Variants in PREX1 observed in about 807,000 individuals in gnomAD.
The protein encoded by PREX1 is phosphatidylinositol 3,4,5-trisphosphate-dependent Rac exchanger 1 protein.
PREX1 carries 41 observed loss-of-function variants against 198.3 expected under a neutral mutation model. The ratio of observed to expected loss-of-function variants is 0.21; its 90% CI spans 0.16 to 0.27. The LOEUF (loss-of-function observed/expected upper bound fraction) is 0.27. PREX1 is among the 10% of genes least tolerant of loss of function. The pLI is 1.00. For missense variants in PREX1, 1,620 were observed against 2,200.7 expected (o/e 0.74, Z 5.28); for synonymous variants, 843 against 887.2 (o/e 0.95, Z 0.89).
At chr20:48,874,658 C>T in the PREX1 span, among the ~76,000 whole-genome samples, 1 of 152,070 alleles carries the variant, frequency 6.6e-6, no homozygotes, top group Non-Finnish European at 1.5e-5. Context: ...AGGCAGATGA[C>T]TTGAGGTCAG....
intron 10 of PREX1, among the ~76,000 whole-genome samples, chr20:48,681,729 C>CA (rs1456354074): frequency 6.4e-5 from 9 of 141,026 alleles, no homozygotes; most frequent in Non-Finnish European, 1.4e-4. Context: ...TCCGGCCAGA[C>CA]AGACAGCCAG....
chr20:48,799,560 C>T (rs2090377063), intron 1 of PREX1, among the ~76,000 whole-genome samples: 1 of 152,210 alleles, frequency 6.6e-6, no homozygotes, highest in Admixed American at 6.5e-5. Flanking sequence ...ATTTCAAAAG[C>T]CACCCTCTGG....
intron 1 of PREX1, among the ~76,000 whole-genome samples, chr20:48,822,453 A>C (rs1390758480): frequency 3.3e-5 from 5 of 152,234 alleles, no homozygotes; most frequent in Non-Finnish European, 5.9e-5. Context: ...TCTTTGTTTC[A>C]TTTGTAAAAC....
chr20:48,800,897 C>A (rs539529970), intron 1 of PREX1, among the ~76,000 whole-genome samples: 3 of 152,036 alleles, frequency 2.0e-5, no homozygotes, highest in Non-Finnish European at 2.9e-5. Flanking sequence ...CTCAAGCAAT[C>A]CTCCCGCCAT....
At chr20:48,661,073 T>A (rs2089586940) in intron 15 of PREX1, among the ~76,000 whole-genome samples, 1 of 152,184 alleles carries the variant, frequency 6.6e-6, no homozygotes. Flanking sequence ...TGTGACAAGC[T>A]GTACGGCCCA....
chr20:48,647,915 T>C (rs190722511), intron 25 of PREX1, among the ~76,000 whole-genome samples: 1 of 152,278 alleles, frequency 6.6e-6, no homozygotes, highest in African/African-American at 2.4e-5. Context: ...GAGCATTTTG[T>C]TTTGTTTTGA....
the PREX1 span, among the ~76,000 whole-genome samples, chr20:48,862,356 A>G: frequency 1.3e-5 from 2 of 152,222 alleles, no homozygotes; most frequent in Non-Finnish European, 2.9e-5. Flanking sequence ...ATACTAATAA[A>G]GGATAGCTTT....
intron 1 of PREX1, among the ~76,000 whole-genome samples, chr20:48,794,793 T>C (rs1362697001): frequency 6.6e-6 from 1 of 152,206 alleles, no homozygotes; most frequent in African/African-American, 2.4e-5. Context: ...AGCAGTGCTA[T>C]TTAACATTTA....
intron 1 of PREX1, among the ~76,000 whole-genome samples, chr20:48,824,704 A>T (rs1039767702): frequency 1.3e-5 from 2 of 152,174 alleles, no homozygotes; most frequent in African/African-American, 2.4e-5. Flanking sequence ...TGTTTGCCCA[A>T]GGTCACAAGT....
rs371611548 is a variant in PREX1, at chr20:48,733,096, C to T, written c.519+1450G>A. On this transcript the variant is annotated intron_variant, in intron 4 of 39. Transcript: ENST00000371941. Reference sequence around the variant, plus strand: ...ACAAATGTTTATCTTGACTCATACACAACAGATAGTGGTTTGAAAGGCTCA... The same window carrying T: ...ACAAATGTTTATCTTGACTCATACATAACAGATAGTGGTTTGAAAGGCTCA... 7.0e-4 allele frequency among the ~76,000 whole-genome samples: 107 copies of T among 152,372 alleles called. 1 individual carries two copies. The South Asian group carries it at 0.016, about 23-fold the overall frequency.
At chr20:48,832,004 C>A (rs145707087), upstream of PREX1, among the ~76,000 whole-genome samples, 5 of 152,050 alleles carry the variant, frequency 3.3e-5, no homozygotes, top group Admixed American at 6.6e-5. Flanking sequence ...CCCCATCACC[C>A]GTCCGGAATA....
chr20:48,884,032 C>T, the PREX1 span, among the ~76,000 whole-genome samples: 2 of 150,694 alleles, frequency 1.3e-5, no homozygotes, highest in Non-Finnish European at 2.9e-5. Context: ...CTCAGCTACT[C>T]GGGAGGCTGA....
At chr20:48,862,798 T>TATAC in the PREX1 span, among the ~76,000 whole-genome samples, 1 of 106,344 alleles carries the variant, frequency 9.4e-6, no homozygotes, top group Non-Finnish European at 2.1e-5. Flanking sequence ...AAAATATATA[T>TATAC]ATATATATAT....
In PREX1 at chr20:48,791,461, G is replaced by GCACAGA. The variant is rs2090338620; in HGVS notation, c.219+36180_219+36181insTCTGTG. On this transcript the variant is annotated intron_variant, in intron 1 of 39. Coordinates refer to ENST00000371941, the MANE Select transcript of PREX1 (RefSeq NM_020820.4). The stretch of plus-strand genomic sequence containing the variant: ...GCCCCAAGGTCACCCTGCTGGTGAG[G>GCACAGA]GGTAAAGTCAAGGACTACAGAATAA... Among the ~76,000 whole-genome samples, 4 of 152,172 alleles carry GCACAGA rather than the reference G, an allele frequency of 2.6e-5. No individual in the cohort carries two copies. The South Asian group carries it at 6.2e-4, about 24-fold the overall frequency.
At chr20:48,789,381 T>A (rs2090327166) in intron 1 of PREX1, among the ~76,000 whole-genome samples, 1 of 152,212 alleles carries the variant, frequency 6.6e-6, no homozygotes, top group Non-Finnish European at 1.5e-5. Flanking sequence ...AATAACAACA[T>A]CATCAACAGT....
At chr20:48,792,819 C>T (rs866456461) in intron 1 of PREX1, among the ~76,000 whole-genome samples, 7 of 134,798 alleles carry the variant, frequency 5.2e-5, no homozygotes, top group African/African-American at 1.2e-4. Flanking sequence ...AAAAAAAATA[C>T]ACACACACAC....
chr20:48,796,033 G>T (rs1212968662), intron 1 of PREX1, among the ~76,000 whole-genome samples: 2 of 152,200 alleles, frequency 1.3e-5, no homozygotes. Flanking sequence ...AAGAGCAACT[G>T]GGGCTGGAGG....
At chr20:48,631,145 G>A (rs543185584) in intron 35 of PREX1, among the ~76,000 whole-genome samples, 96 of 152,210 alleles carry the variant, frequency 6.3e-4, no homozygotes, top group African/African-American at 1.3e-3. Flanking sequence ...TTTACTGTTC[G>A]TCTCCCCCTC....
intron 1 of PREX1, among the ~76,000 whole-genome samples, chr20:48,814,273 C>G (rs2090449835): frequency 6.6e-6 from 1 of 152,250 alleles, no homozygotes; most frequent in South Asian, 2.1e-4. Flanking sequence ...ATGAACACAG[C>G]AGACAAGGGC....
Sources: allele counts gnomAD v4.1 joint callset (sites outside exome capture counted in the v4.1 genomes callset), GRCh38; gene constraint gnomAD v4.1.1; transcripts MANE v1.5; gene names NCBI Gene and HGNC (gene_info 2026-07-23, HGNC 2026-07-21).